Variants in ROBO1 observed in about 807,000 individuals in gnomAD.
ROBO1 encodes roundabout guidance receptor 1, also known as roundabout homolog 1.
In ROBO1, 149 loss-of-function variants were observed where a neutral mutation model predicts 195.9. The ratio of observed to expected loss-of-function variants is 0.76; its 90% CI spans 0.67 to 0.87. The LOEUF (loss-of-function observed/expected upper bound fraction) is 0.87. ROBO1 is among the 40% of genes least tolerant of loss of function. The probability of loss-of-function intolerance (pLI) is 0.00; values close to 1 mark genes in which losing one functional copy is unlikely to be tolerated. For missense variants in ROBO1, 1,933 were observed against 2,068.3 expected (o/e 0.93, Z 1.27); for synonymous variants, 816 against 733.2 (o/e 1.11, Z -1.82).
intron 2 of ROBO1, among the ~76,000 whole-genome samples, chr3:79,521,430 G>C (rs144938098): frequency 1.6e-3 from 248 of 152,258 alleles, no homozygotes; most frequent in African/African-American, 5.2e-3. Flanking sequence ...CAAGGTGGCA[G>C]AATAAGCTAG....
At chr3:78,662,244 G>GAA (rs11359455) in intron 14 of ROBO1, 130 bp from the exon 15 acceptor site, 707 of 423,846 alleles carry the variant, frequency 1.7e-3, no homozygotes, top group South Asian at 2.1e-3. Context: ...CTGTGATTCG[G>GAA]AAAAAAAAAA....
At chr3:79,688,178 A>C (rs1205035594) in intron 1 of ROBO1, among the ~76,000 whole-genome samples, 2 of 133,462 alleles carry the variant, frequency 1.5e-5, no homozygotes, top group Non-Finnish European at 3.1e-5. Flanking sequence ...ATGAAAACAC[A>C]TGGACACAGG....
chr3:79,638,161 A>G (rs1306725350), intron 1 of ROBO1, among the ~76,000 whole-genome samples: 2 of 152,194 alleles, frequency 1.3e-5, no homozygotes. Context: ...CATAGGGCAT[A>G]TAACAGAGGA....
At chr3:79,143,555 A>G (rs1304312834) in intron 2 of ROBO1, among the ~76,000 whole-genome samples, 1 of 152,126 alleles carries the variant, frequency 6.6e-6, no homozygotes, top group Non-Finnish European at 1.5e-5. Flanking sequence ...TATTTAATTG[A>G]CTATGCCATT....
chr3:79,019,036 G>T (rs960293578), intron 3 of ROBO1: 2 of 989,004 alleles, frequency 2.0e-6, no homozygotes. Flanking sequence ...GTGACTCCGC[G>T]CGCAGAGAGC....
At chr3:79,723,964 G>A (rs1162742046) in intron 1 of ROBO1, among the ~76,000 whole-genome samples, 6 of 152,140 alleles carry the variant, frequency 3.9e-5, no homozygotes, top group African/African-American at 2.4e-5. Context: ...ATAAATAAGT[G>A]TTTTTATAAG....
At chr3:79,039,366 C>T (rs967528677) in intron 3 of ROBO1, among the ~76,000 whole-genome samples, 78 of 152,104 alleles carry the variant, frequency 5.1e-4, no homozygotes, top group African/African-American at 1.5e-3. Context: ...TAAAGTGTTA[C>T]GTAATTTTAG....
intron 2 of ROBO1, among the ~76,000 whole-genome samples, chr3:79,166,871 TA>T (rs1286041111): frequency 2.6e-5 from 4 of 152,204 alleles, no homozygotes; most frequent in Non-Finnish European, 4.4e-5. Flanking sequence ...AAAGGATTCA[TA>T]ATATTTGTTG....
chr3:79,683,403 G>A (rs1455854825), intron 1 of ROBO1, among the ~76,000 whole-genome samples: 1 of 151,998 alleles, frequency 6.6e-6, no homozygotes. Context: ...TTTGAATGTG[G>A]AAAATTGAGA....
intron 1 of ROBO1, among the ~76,000 whole-genome samples, chr3:79,622,464 T>C (rs1945037540): frequency 6.6e-6 from 1 of 152,196 alleles, no homozygotes; most frequent in Non-Finnish European, 1.5e-5. Context: ...AGCATCCATC[T>C]CTGTAGCTCC....
At chr3:79,487,438 A>G (rs114046644) in intron 2 of ROBO1, among the ~76,000 whole-genome samples, 10,125 of 152,172 alleles carry the variant, frequency 0.067, 411 homozygotes, top group East Asian at 0.15. Context: ...GCTGGTCTTC[A>G]ACTCCTGACC....
chr3:78,711,394 CCTTCCTTTCTTTCTTTCTTT>C (rs2081722820), intron 8 of ROBO1, among the ~76,000 whole-genome samples: 1 of 36,350 alleles, frequency 2.8e-5, no homozygotes, highest in East Asian at 6.4e-4. Context: ...TTCCTTCCTT[CCTTCCTTTCTTTCTTTCTTT>C]CTTTCTTTCT....
Position 78,730,441 on chromosome 3 carries a change from T to C in ROBO1, c.658-12558A>G, listed in dbSNP as rs1305625464. On this transcript the variant is annotated intron_variant, in intron 5 of 30. Coordinates refer to ENST00000464233, the MANE Select transcript of ROBO1 (RefSeq NM_002941.4). ...ATTGACCAATTTTACTTTACAGAAA[T>C]GCATTTTTTATTCAAAAATATAAAC... Among the ~76,000 whole-genome samples, 2 of 121,990 alleles carry C rather than the reference T, an allele frequency of 1.6e-5. 1 individual carries two copies. The highest frequency in any genetic ancestry group is 4.0e-5 in the Non-Finnish European group (2 of 50,570). 80.0% of individuals were successfully genotyped at this position (121,990 alleles called of 152,430 possible).
chr3:79,279,023 C>A (rs987241447), intron 2 of ROBO1, among the ~76,000 whole-genome samples: 4 of 151,986 alleles, frequency 2.6e-5, no homozygotes, highest in Admixed American at 1.3e-4. Context: ...ACCTGTAATC[C>A]CAGCACTTTG....
At chr3:78,676,505 A>G (rs1213107111) in intron 10 of ROBO1, among the ~76,000 whole-genome samples, 9 of 152,342 alleles carry the variant, frequency 5.9e-5, no homozygotes, top group African/African-American at 2.2e-4. Flanking sequence ...TGAAAGCCAA[A>G]GCTCGAGAAC....
At chr3:78,905,903 C>T (rs754126674) in intron 4 of ROBO1, among the ~76,000 whole-genome samples, 51 of 152,022 alleles carry the variant, frequency 3.4e-4, no homozygotes, top group African/African-American at 2.4e-4. Flanking sequence ...GATCTAAGTA[C>T]GTCTGACTTT....
At chr3:78,620,883 A>ATGTGTGTGTGTGTGTGTGTG (rs199578004) in intron 26 of ROBO1, among the ~76,000 whole-genome samples, 4 of 144,668 alleles carry the variant, frequency 2.8e-5, no homozygotes, top group East Asian at 2.0e-4. Context: ...ATATATATAT[A>ATGTGTGTGTGTGTGTGTGTG]TGTGTGTGTG....
chr3:79,766,847 A>G (rs1214615151), intron 1 of ROBO1, among the ~76,000 whole-genome samples: 1 of 152,154 alleles, frequency 6.6e-6, no homozygotes, highest in Non-Finnish European at 1.5e-5. Context: ...CCTCCCTGCA[A>G]TACGTTTTCC....
intron 1 of ROBO1, among the ~76,000 whole-genome samples, chr3:79,697,404 A>G (rs1185968736): frequency 6.6e-6 from 1 of 151,514 alleles, no homozygotes; most frequent in Non-Finnish European, 1.5e-5. Flanking sequence ...AAGAATATCC[A>G]ATGAGCTAGA....
Sources: allele counts gnomAD v4.1 joint callset (sites outside exome capture counted in the v4.1 genomes callset), GRCh38; gene constraint gnomAD v4.1.1; transcripts MANE v1.5; gene names NCBI Gene and HGNC (gene_info 2026-07-23, HGNC 2026-07-21).